Variants in ADAMTS16 observed in about 807,000 individuals in gnomAD.
ADAMTS16 encodes ADAM metallopeptidase with thrombospondin type 1 motif 16.
Under a neutral mutation model 145.8 loss-of-function variants are expected in ADAMTS16, and 94 were observed. The ratio of observed to expected loss-of-function variants is 0.64; its 90% CI spans 0.55 to 0.77. The LOEUF (loss-of-function observed/expected upper bound fraction) is 0.77, where lower values mean the gene tolerates loss of function less well. Among genes scored for constraint, ADAMTS16 ranks in the 30% least tolerant of loss-of-function variants. The probability of loss-of-function intolerance (pLI) is 0.00; values close to 1 mark genes in which losing one functional copy is unlikely to be tolerated. For synonymous variants in ADAMTS16, 659 were observed against 604.3 expected (o/e 1.09, Z -1.33); for missense variants, 1,585 against 1,591.5 (o/e 1.00, Z 0.07).
At chr5:5,307,318 A>T (rs544825292) in intron 21 of ADAMTS16, among the ~76,000 whole-genome samples, 103 of 152,302 alleles carry the variant, frequency 6.8e-4, no homozygotes, top group African/African-American at 2.4e-3. Context: ...AGCACACTGC[A>T]AGCGTGTGCA....
chr5:5,235,045 T>C lies in ADAMTS16; in HGVS notation c.1882T>C (p.Ser628Pro). The change falls in exon 13 of 23, where the codon TCC (serine) becomes CCC (proline). Residue 628 changes from serine (S) to proline (P), a missense_variant. By Grantham distance (74) the Ser-to-Pro change is moderately conservative (BLOSUM62 -1). This residue lies in a region of ADAMTS16 where 834 missense variants were observed against 811.7 expected (regional missense o/e 1.03). Transcript: ENST00000274181. ...PSHGGKFCEG[S>P]TRTLKLCNSQ... ...GCATGGAGGGAAGTTCTGTGAGGGC[T>C]CCACTCGCACTCTGAAGCTCTGCAA... 1 of 1,592,576 alleles carries C rather than the reference T, an allele frequency of 6.3e-7. No homozygotes were observed. Among genetic ancestry groups the C allele is most frequent in the South Asian group, 1.1e-5 (1 of 89,822 alleles).
At position 5,152,719 on chromosome 5, in the gene ADAMTS16, T is replaced by C. The variant is rs74467587; in HGVS notation, c.501+6264T>C. On this transcript the variant is annotated intron_variant, in intron 3 of 22. Coordinates refer to ENST00000274181, the MANE Select transcript of ADAMTS16 (RefSeq NM_139056.4). Reference sequence around the variant, plus strand: ...GCTCAAACACTACCAAATTTCACTGTTCTGTTCAAGGTTTATTAAAATGTT... The same window carrying C: ...GCTCAAACACTACCAAATTTCACTGCTCTGTTCAAGGTTTATTAAAATGTT... Among the ~76,000 whole-genome samples, 14 of 152,348 alleles carry C rather than the reference T, an allele frequency of 9.2e-5. No individual in the cohort carries two copies. The East Asian group carries it at 2.7e-3, about 29-fold the overall frequency.
At chr5:5,184,618 T>G (rs1165223841) in intron 4 of ADAMTS16, among the ~76,000 whole-genome samples, 1 of 152,282 alleles carries the variant, frequency 6.6e-6, no homozygotes, top group East Asian at 1.9e-4. Flanking sequence ...GTTGATTTGC[T>G]GAAAACCAAT....
intron 18 of ADAMTS16, among the ~76,000 whole-genome samples, chr5:5,287,185 A>G (rs1250562224): frequency 1.3e-5 from 2 of 152,072 alleles, no homozygotes; most frequent in African/African-American, 4.8e-5. Context: ...AAGAAAGATG[A>G]CTCCAATGTC....
At chr5:5,270,948 C>T (rs1239770354) in intron 18 of ADAMTS16, among the ~76,000 whole-genome samples, 3 of 152,148 alleles carry the variant, frequency 2.0e-5, no homozygotes, top group African/African-American at 7.2e-5. Context: ...AAGCCGCACT[C>T]TCCTTCCCCA....
chr5:5,250,458 A>G (rs1737586346), intron 17 of ADAMTS16, among the ~76,000 whole-genome samples: 1 of 152,174 alleles, frequency 6.6e-6, no homozygotes, highest in Admixed American at 6.5e-5. Context: ...GTGTTTCCCA[A>G]TAGTGCTGGA....
In ADAMTS16 at chr5:5,249,729, A is replaced by G. The variant is rs1042329041; in HGVS notation, c.2662+7538A>G. Among the ~76,000 whole-genome samples, 13 of 152,168 alleles carry G rather than the reference A, an allele frequency of 8.5e-5. 1 individual carries two copies. Among genetic ancestry groups the G allele is most frequent in the African/African-American group, 2.9e-4 (12 of 41,438 alleles). ...AGCATTTGTAGACTGCTAAGTATTA[A>G]CCAGCTCAGTGGAGGGTCAGGTGAC... On this transcript the variant is annotated intron_variant, in intron 17 of 22. Transcript: ENST00000274181.
intron 9 of ADAMTS16, among the ~76,000 whole-genome samples, chr5:5,205,887 C>A (rs1167300495): frequency 2.0e-5 from 3 of 152,198 alleles, no homozygotes; most frequent in African/African-American, 7.2e-5. Context: ...TATTCTCCCA[C>A]TCTGTGTCTT....
chr5:5,204,881 T>C (rs1360230490), intron 9 of ADAMTS16, among the ~76,000 whole-genome samples: 1 of 152,174 alleles, frequency 6.6e-6, no homozygotes, highest in African/African-American at 2.4e-5. Context: ...CCCAGAAGCA[T>C]TTGTGAAACT....
intron 10 of ADAMTS16, among the ~76,000 whole-genome samples, chr5:5,219,227 TA>T (rs1372117315): frequency 6.6e-6 from 1 of 152,184 alleles, no homozygotes; most frequent in Non-Finnish European, 1.5e-5. Context: ...GTTCATCATT[TA>T]TTTGTGTAAA....
chr5:5,178,134 TAC>T (rs1172029457), intron 3 of ADAMTS16, among the ~76,000 whole-genome samples: 6 of 152,362 alleles, frequency 3.9e-5, no homozygotes, highest in Admixed American at 6.5e-5. Context: ...TTTCTTTACT[TAC>T]ATTGCTCAGA....
At chr5:5,253,326 G>T (rs1428022) in intron 17 of ADAMTS16, among the ~76,000 whole-genome samples, 29,366 of 152,208 alleles carry the variant, frequency 0.19, 3,452 homozygotes, top group African/African-American at 0.33. Context: ...GGACAACTCA[G>T]AGTGGGAGCT....
chr5:5,162,353 A>G (rs1273721379), intron 3 of ADAMTS16, among the ~76,000 whole-genome samples: 1 of 152,190 alleles, frequency 6.6e-6, no homozygotes, highest in East Asian at 1.9e-4. Flanking sequence ...CTAACCTGCC[A>G]AAAGTTGACA....
At chr5:5,242,768 G>A (rs1737332220) in intron 17 of ADAMTS16, among the ~76,000 whole-genome samples, 1 of 152,194 alleles carries the variant, frequency 6.6e-6, no homozygotes, top group African/African-American at 2.4e-5. Flanking sequence ...AACAATGGAA[G>A]CTCACATTTA....
chr5:5,296,679 G>A (rs966973798), intron 18 of ADAMTS16, among the ~76,000 whole-genome samples: 3 of 152,152 alleles, frequency 2.0e-5, no homozygotes, highest in African/African-American at 7.2e-5. Context: ...TACAGAACAG[G>A]AGCGAGACCA....
chr5:5,187,722 C>T lies in ADAMTS16; in HGVS notation c.964-3C>T, dbSNP rs892220218. On this transcript the variant is annotated splice_region_variant and splice_polypyrimidine_tract_variant and intron_variant, in intron 5 of 22. Transcript: ENST00000274181. The stretch of plus-strand genomic sequence containing the variant: ...GCTGACATGGATTTCCTGTCTTTTT[C>T]AGGTATCTGCTTTATTCAAAGATGG... 5 of 1,605,902 alleles carry T rather than the reference C, an allele frequency of 3.1e-6. No individual in the cohort carries two copies. Among genetic ancestry groups the T allele is most frequent in the Non-Finnish European group, 3.4e-6 (4 of 1,173,466 alleles).
chr5:5,205,545 G>T (rs746850615), intron 9 of ADAMTS16, among the ~76,000 whole-genome samples: 3 of 152,162 alleles, frequency 2.0e-5, no homozygotes, highest in Non-Finnish European at 4.4e-5. Context: ...GGACCATTTT[G>T]CATTCTCACT....
At chr5:5,288,006 A>C (rs558111003) in intron 18 of ADAMTS16, among the ~76,000 whole-genome samples, 1 of 152,294 alleles carries the variant, frequency 6.6e-6, no homozygotes, top group South Asian at 2.1e-4. Flanking sequence ...ATTTCTAAGT[A>C]TTAGTCTCAG....
At chr5:5,182,415 T>C in intron 4 of ADAMTS16, 110 bp downstream of exon 4, 1 of 1,395,650 alleles carries the variant, frequency 7.2e-7, no homozygotes, top group East Asian at 2.4e-5. Flanking sequence ...GTGAAATCTA[T>C]GGACTGTCGT....
Sources: allele counts gnomAD v4.1 joint callset (sites outside exome capture counted in the v4.1 genomes callset), GRCh38; gene constraint gnomAD v4.1.1; regional missense constraint gnomAD v4.1.1; transcripts MANE v1.5; gene names NCBI Gene and HGNC (gene_info 2026-07-23, HGNC 2026-07-21).